Variants in DMRT1 observed in about 807,000 individuals in gnomAD.
DMRT1 encodes the protein doublesex- and mab-3-related transcription factor 1.
A neutral mutation model predicts 32.3 loss-of-function variants in DMRT1; 7 were observed. That is an observed-to-expected ratio of 0.22 (90% CI 0.12 to 0.41). The LOEUF (loss-of-function observed/expected upper bound fraction) is 0.41. Among genes scored for constraint, DMRT1 ranks in the 10% least tolerant of loss-of-function variants. DMRT1 has a pLI of 1.00. For synonymous variants in DMRT1, 278 were observed against 206.1 expected, an observed-to-expected ratio of 1.35 and a Z score of -2.99; for missense variants, 625 against 500.5, an observed-to-expected ratio of 1.25 and a Z score of -2.37.
At chr9:861,759 G>A (rs1815695518) in intron 2 of DMRT1, among the ~76,000 whole-genome samples, 1 of 148,194 alleles carries the variant, frequency 6.7e-6, no homozygotes, top group Non-Finnish European at 1.5e-5. Context: ...CGGGGCGGCT[G>A]CTGGGCGGAG....
chr9:964,917 T>C (rs1819886379), intron 4 of DMRT1, among the ~76,000 whole-genome samples: 1 of 152,188 alleles, frequency 6.6e-6, no homozygotes, highest in East Asian at 1.9e-4. Context: ...GGAGTTAGCA[T>C]TTTTACAAAA....
intron 2 of DMRT1, among the ~76,000 whole-genome samples, chr9:891,769 C>G (rs1051377647): frequency 6.6e-6 from 1 of 152,078 alleles, no homozygotes; most frequent in Non-Finnish European, 1.5e-5. Flanking sequence ...CGTGAATCAC[C>G]TGCCTCGGCC....
intron 3 of DMRT1, among the ~76,000 whole-genome samples, chr9:911,477 T>TTTTTTTG (rs1817981843): frequency 2.2e-5 from 1 of 46,366 alleles, no homozygotes; most frequent in African/African-American, 1.9e-4. Flanking sequence ...TGCATTTTTT[T>TTTTTTTG]TTTTTTTTTT....
chr9:876,878 C>G (rs938498333), intron 2 of DMRT1, among the ~76,000 whole-genome samples: 8 of 150,284 alleles, frequency 5.3e-5, no homozygotes, highest in African/African-American at 2.0e-4. Flanking sequence ...GCTCCCTTTT[C>G]CCCTTCTGAC....
intron 2 of DMRT1, among the ~76,000 whole-genome samples, chr9:870,857 G>A (rs750200415): frequency 5.3e-5 from 8 of 151,680 alleles, no homozygotes; most frequent in South Asian, 2.1e-4. Flanking sequence ...AACTACAGGT[G>A]CACACCGCCA....
In DMRT1 at chr9:842,069, A is replaced by C. The variant is rs1403792901; in HGVS notation, c.231A>C (p.Ala77=). 6.5e-7 allele frequency: 1 copy of C among 1,545,528 alleles called. No individual in the cohort carries two copies. The highest frequency in any genetic ancestry group is 8.7e-7 in the Non-Finnish European group (1 of 1,149,072). Residue 77 remains alanine (A), a synonymous_variant, in exon 1 of 5, where the codon GCA becomes GCC. Transcript: ENST00000382276. ...SKKSPRLPKC[A]RCRNHGYASP... ...AGTCCCCGCGGCTGCCCAAGTGCGC[A>C]CGCTGCAGGAACCACGGCTACGCCT...
rs538069048 is a variant in DMRT1, at chr9:858,026, T to C, written c.538+10883T>C. Among the ~76,000 whole-genome samples, 8 of 152,258 alleles carry C rather than the reference T, an allele frequency of 5.3e-5. No individual in the cohort carries two copies. In the South Asian group the frequency reaches 1.5e-3, roughly 28 times the overall value. On this transcript the variant is annotated intron_variant, in intron 2 of 4. Transcript: ENST00000382276. ...CACATTTTCTTAATCCAGTCTATTATTGTTGTACATTTGGGTTGGTTTCAA... is the reference window on the plus strand; with the variant it reads ...CACATTTTCTTAATCCAGTCTATTACTGTTGTACATTTGGGTTGGTTTCAA...
intron 2 of DMRT1, among the ~76,000 whole-genome samples, chr9:873,248 C>T (rs1335804497): frequency 6.6e-6 from 1 of 151,812 alleles, no homozygotes; most frequent in Admixed American, 6.6e-5. Context: ...GTCCTTTGCC[C>T]ATTTGTAAGT....
In DMRT1 at chr9:968,515, GT is replaced by G. The variant is rs34469209; in HGVS notation, c.*390del. On this transcript the variant is annotated 3_prime_UTR_variant, in exon 5 of 5. Coordinates refer to ENST00000382276, the MANE Select transcript of DMRT1 (RefSeq NM_021951.3). Reference sequence around the variant, plus strand: ...AAATGAAATCTTAGGTGCCTTAGGGGTTTTTTTTTTTTTTAAGTATTTTTTA... The same window carrying G: ...AAATGAAATCTTAGGTGCCTTAGGGGTTTTTTTTTTTTTAAGTATTTTTTA... 0.7 allele frequency: 106,203 copies of G among 152,074 alleles called. 36,754 individuals are homozygous for G. The highest frequency in any genetic ancestry group is 0.87 in the East Asian group (4,502 of 5,170). The allele number at this position is 152,074 out of a possible 1,614,324, so 9.4% of individuals were successfully genotyped here. A position where few individuals can be genotyped will look rare whatever the true frequency, so the allele number is the denominator to read the frequency against.
chr9:864,870 A>G (rs1025333236), intron 2 of DMRT1, among the ~76,000 whole-genome samples: 3 of 40,760 alleles, frequency 7.4e-5, no homozygotes, highest in Non-Finnish European at 1.5e-4. Context: ...TTTAAGCCAA[A>G]AGCTTCGACT....
chr9:863,719 C>T (rs1391914245), intron 2 of DMRT1, among the ~76,000 whole-genome samples: 5 of 152,182 alleles, frequency 3.3e-5, no homozygotes, highest in African/African-American at 1.2e-4. Flanking sequence ...TCATTTACGC[C>T]ACTAAATTTC....
At chr9:948,451 A>T (rs1231395842) in intron 4 of DMRT1, among the ~76,000 whole-genome samples, 1 of 151,858 alleles carries the variant, frequency 6.6e-6, no homozygotes, top group Non-Finnish European at 1.5e-5. Context: ...AAATTCCCAG[A>T]CCCTATGATT....
chr9:852,135 C>T (rs1452526029), intron 2 of DMRT1, among the ~76,000 whole-genome samples: 2 of 151,876 alleles, frequency 1.3e-5, no homozygotes, highest in African/African-American at 4.8e-5. Context: ...TGGGGTTTCA[C>T]CATGTTGGCC....
At chr9:906,279 T>G (rs1817774763) in intron 3 of DMRT1, among the ~76,000 whole-genome samples, 1 of 152,154 alleles carries the variant, frequency 6.6e-6, no homozygotes, top group Non-Finnish European at 1.5e-5. Flanking sequence ...TGCGTGTGCT[T>G]AGTTAGAATG....
chr9:865,141 GT>G (rs1344854238), intron 2 of DMRT1, among the ~76,000 whole-genome samples: 1 of 152,166 alleles, frequency 6.6e-6, no homozygotes, highest in Non-Finnish European at 1.5e-5. Context: ...ACGTTTCCAG[GT>G]TTTCCCTGAG....
At chr9:951,089 A>T (rs547211367) in intron 4 of DMRT1, among the ~76,000 whole-genome samples, 1 of 152,340 alleles carries the variant, frequency 6.6e-6, no homozygotes, top group South Asian at 2.1e-4. Context: ...TTGCTAATGG[A>T]AATAATTAAA....
At chr9:967,939 A>T (rs1554765390) in intron 4 of DMRT1, 46 bp from the exon 5 acceptor site, 3 of 1,400,678 alleles carry the variant, frequency 2.1e-6, no homozygotes, top group South Asian at 2.6e-5. Context: ...TTTTAACATT[A>T]CTCCCTTTCT....
At chr9:891,993 C>T (rs1450741950) in intron 2 of DMRT1, among the ~76,000 whole-genome samples, 2 of 152,204 alleles carry the variant, frequency 1.3e-5, no homozygotes, top group Admixed American at 6.5e-5. Flanking sequence ...ATCTCACGTC[C>T]TGGTAGTCCT....
intron 4 of DMRT1, among the ~76,000 whole-genome samples, chr9:947,739 G>A (rs997274693): frequency 6.6e-5 from 10 of 152,128 alleles, no homozygotes; most frequent in African/African-American, 2.2e-4. Context: ...CACTTTAGAT[G>A]TGGAAACTGA....
Sources: gnomAD v4.1 joint callset for allele counts (sites outside exome capture counted in the v4.1 genomes callset) on GRCh38, gnomAD v4.1.1 for gene constraint, MANE v1.5 for transcripts, NCBI Gene and HGNC (gene_info 2026-07-23, HGNC 2026-07-21) for gene names.